NOX3: variants seen among roughly 807,000 people sequenced by gnomAD.
NOX3 encodes the protein NADPH oxidase catalytic subunit-like 3.
Under a neutral mutation model 76.7 loss-of-function variants are expected in NOX3, and 74 were observed. The ratio of observed to expected loss-of-function variants is 0.96; its 90% CI spans 0.80 to 1.17. NOX3 has a LOEUF of 1.17. Among genes scored for constraint, NOX3 ranks in the 50% most tolerant of loss-of-function variants. NOX3 has a pLI of 0.00. For missense variants in NOX3, 695 were observed against 703.3 expected (o/e 0.99, Z 0.13); for synonymous variants, 263 against 261.1 (o/e 1.01, Z -0.07).
intron 10 of NOX3, among the ~76,000 whole-genome samples, chr6:155,416,949 C>T (rs945602407): frequency 1.5e-4 from 23 of 151,942 alleles, no homozygotes; most frequent in Admixed American, 1.5e-3. Context: ...TGGGGTTTTG[C>T]CATGTTGGTC....
At chr6:155,422,581 T>C in intron 10 of NOX3, 113 bp downstream of exon 10, 1 of 980,104 alleles carries the variant, frequency 1.0e-6, no homozygotes, top group Non-Finnish European at 1.5e-6. Flanking sequence ...TAAGGATCCT[T>C]GAGTTTATCC....
intron 10 of NOX3, among the ~76,000 whole-genome samples, chr6:155,421,955 G>A (rs1776694652): frequency 6.6e-6 from 1 of 152,212 alleles, no homozygotes; most frequent in African/African-American, 2.4e-5. Context: ...GTTAAGTCAA[G>A]CGTCTCCCTT....
At position 155,440,160 on chromosome 6, in the gene NOX3, A is replaced by C. The variant is rs150120783; in HGVS notation, c.487-23T>G. On this transcript the variant is annotated intron_variant, in intron 5 of 13. Coordinates refer to ENST00000159060, the MANE Select transcript of NOX3 (RefSeq NM_015718.3). Reference sequence around the variant, plus strand: ...GTTCTAAAAAAAACAACAACAACAAAAAAAGAAACAAACAAAAAAAAACAC... The same window carrying C: ...GTTCTAAAAAAAACAACAACAACAACAAAAGAAACAAACAAAAAAAAACAC... 2.1e-4 allele frequency: 319 copies of C among 1,532,676 alleles called. 1 individual carries two copies. Among genetic ancestry groups the C allele is most frequent in the African/African-American group, 5.5e-4 (39 of 71,404 alleles). 94.9% of individuals were successfully genotyped at this position (1,532,676 alleles called of 1,614,324 possible).
intron 5 of NOX3, among the ~76,000 whole-genome samples, chr6:155,442,035 T>C (rs76733374): frequency 0.12 from 18,823 of 152,050 alleles, 1,888 homozygotes; most frequent in East Asian, 0.54. Flanking sequence ...GAGGCCGAGG[T>C]GGGCGGATCA....
intron 10 of NOX3, among the ~76,000 whole-genome samples, chr6:155,421,099 A>T (rs986060378): frequency 6.6e-6 from 1 of 152,162 alleles, no homozygotes; most frequent in African/African-American, 2.4e-5. Flanking sequence ...ATGAGCAGGA[A>T]TCCCACCGTC....
intron 12 of NOX3, among the ~76,000 whole-genome samples, chr6:155,400,360 G>T (rs774290921): frequency 1.3e-5 from 2 of 152,054 alleles, no homozygotes; most frequent in Non-Finnish European, 2.9e-5. Flanking sequence ...TAACCCTGTA[G>T]GGGCAGACCC....
intron 5 of NOX3, among the ~76,000 whole-genome samples, chr6:155,442,001 A>C (rs776015735): frequency 2.0e-5 from 3 of 152,192 alleles, no homozygotes; most frequent in Non-Finnish European, 4.4e-5. Context: ...GCGGTGGCTC[A>C]CGCCTGTAAT....
chr6:155,430,439 G>GT (rs1466650220), intron 8 of NOX3, among the ~76,000 whole-genome samples: 1 of 151,846 alleles, frequency 6.6e-6, no homozygotes, highest in African/African-American at 2.4e-5. Context: ...GTAGTCCCCA[G>GT]TGAGAGTGTA....
At chr6:155,448,569 A>G (rs1279790174) in intron 4 of NOX3, among the ~76,000 whole-genome samples, 1 of 151,232 alleles carries the variant, frequency 6.6e-6, no homozygotes, top group African/African-American at 2.4e-5. Context: ...TTTTGGAAAC[A>G]CTACACATGC....
chr6:155,451,122 G>T (rs1777133898), intron 4 of NOX3, among the ~76,000 whole-genome samples: 1 of 151,990 alleles, frequency 6.6e-6, no homozygotes, highest in Non-Finnish European at 1.5e-5. Context: ...GGGATTACAG[G>T]CATGAACCAC....
intron 10 of NOX3, among the ~76,000 whole-genome samples, chr6:155,422,473 G>A (rs369833611): frequency 6.6e-6 from 1 of 152,160 alleles, no homozygotes; most frequent in East Asian, 1.9e-4. Flanking sequence ...TGGCAATGAA[G>A]CAATAAAATT....
At chr6:155,447,689 C>T (rs1308192249) in intron 4 of NOX3, among the ~76,000 whole-genome samples, 1 of 152,208 alleles carries the variant, frequency 6.6e-6, no homozygotes, top group South Asian at 2.1e-4. Flanking sequence ...CAAGGTAGAA[C>T]ATACAAAGTG....
chr6:155,423,614 CTGGTG>C, intron 9 of NOX3, among the ~76,000 whole-genome samples: 1 of 152,140 alleles, frequency 6.6e-6, no homozygotes. Context: ...GGTTCTCACA[CTGGTG>C]AGATATTAAT....
At chr6:155,409,359 G>C (rs937987933) in intron 11 of NOX3, among the ~76,000 whole-genome samples, 1 of 152,080 alleles carries the variant, frequency 6.6e-6, no homozygotes, top group Admixed American at 6.5e-5. Context: ...GATGGGGGTG[G>C]GACACAGCTA....
intron 10 of NOX3, among the ~76,000 whole-genome samples, chr6:155,414,797 T>C (rs1776603868): frequency 6.6e-6 from 1 of 151,910 alleles, no homozygotes; most frequent in Non-Finnish European, 1.5e-5. Flanking sequence ...ACGACGAAGT[T>C]TTTATTTTTT....
In NOX3 at chr6:155,407,084, C is replaced by T. The variant is rs780322573; in HGVS notation, c.1580+46G>A. 1.9e-6 allele frequency: 3 copies of T among 1,611,610 alleles called. No homozygotes were observed. The Admixed American group carries it at 5.0e-5, about 27-fold the overall frequency. On this transcript the variant is annotated intron_variant, in intron 12 of 13. Coordinates refer to ENST00000159060, the MANE Select transcript of NOX3 (RefSeq NM_015718.3). ...TTTCACTCCAGCAGCCCTTGCATTT[C>T]TCCAGAGAAGAGCCTGGCAGGGAGA...
Position 155,414,711 on chromosome 6 carries a change from T to C in NOX3, c.1309-3351A>G, listed in dbSNP as rs1365361888. Among the ~76,000 whole-genome samples, 6 of 139,042 alleles carry C rather than the reference T, an allele frequency of 4.3e-5. No homozygotes were observed. The Admixed American group carries it at 4.6e-4, about 11-fold the overall frequency. 91.2% of individuals were successfully genotyped at this position (139,042 alleles called of 152,430 possible). A position where few individuals can be genotyped will look rare whatever the true frequency, so the allele number is the denominator to read the frequency against. ...GGTGGGATCTTGGCTCACTGCAACC[T>C]CCACCTCCCGGGTTCAAGTGATTCT... On this transcript the variant is annotated intron_variant, in intron 10 of 13. Transcript: ENST00000159060.
intron 12 of NOX3, among the ~76,000 whole-genome samples, chr6:155,400,886 T>C (rs942080165): frequency 2.6e-4 from 40 of 152,146 alleles, no homozygotes; most frequent in African/African-American, 8.0e-4. Flanking sequence ...TTGCACATAC[T>C]GGCCATTTTG....
At chr6:155,398,474 T>C (rs1779169272) in intron 12 of NOX3, among the ~76,000 whole-genome samples, 1 of 152,216 alleles carries the variant, frequency 6.6e-6, no homozygotes, top group Non-Finnish European at 1.5e-5. Flanking sequence ...AACTGTGTGT[T>C]CCAGGACCAT....
Sources: allele counts gnomAD v4.1 joint callset (sites outside exome capture counted in the v4.1 genomes callset), GRCh38; gene constraint gnomAD v4.1.1; transcripts MANE v1.5; gene names NCBI Gene and HGNC (gene_info 2026-07-23, HGNC 2026-07-21).